Variants in MTUS1 observed in about 807,000 individuals in gnomAD.
The protein encoded by MTUS1 is microtubule-associated tumor suppressor 1.
MTUS1 carries 109 observed loss-of-function variants against 120.8 expected under a neutral mutation model. The ratio of observed to expected loss-of-function variants is 0.90; its 90% CI spans 0.77 to 1.06. The LOEUF is 1.06. MTUS1 is among the 50% of genes least tolerant of loss of function. The pLI, the probability that MTUS1 is intolerant of heterozygous loss-of-function variation, is 0.00. For synonymous variants in MTUS1, 737 were observed against 550.5 expected (o/e 1.34, Z -4.74); for missense variants, 2,210 against 1,486.3 (o/e 1.49, Z -8.01).
rs748945770 is a variant in MTUS1 at position 17,674,659 on chromosome 8, G to C, written c.2905+527C>G. 8 of 986,954 alleles carry C rather than the reference G, an allele frequency of 8.1e-6. No individual in the cohort carries two copies. In the South Asian group the frequency reaches 1.9e-4, roughly 23 times the overall value. The allele number at this position is 986,954 out of a possible 1,614,324, so 61.1% of individuals were successfully genotyped here. On this transcript the variant is annotated intron_variant, in intron 8 of 14. Coordinates refer to ENST00000693296, the MANE Select transcript of MTUS1 (RefSeq NM_001363059.2). ...TAGGTGTTGAGACGTGGGGCTCCCT[G>C]TGGAGCGGGGAGGTGGTGAACCATC... is the stretch of plus-strand genomic sequence containing the variant.
chr8:17,679,602 A>T (rs1813903055), intron 7 of MTUS1, among the ~76,000 whole-genome samples: 1 of 152,018 alleles, frequency 6.6e-6, no homozygotes, highest in Admixed American at 6.6e-5. Context: ...ATTGGGTTCA[A>T]GCGATTCGTA....
At chr8:17,734,911 CTTTT>C (rs113060045) in intron 3 of MTUS1, among the ~76,000 whole-genome samples, 1 of 148,596 alleles carries the variant, frequency 6.7e-6, no homozygotes, top group African/African-American at 2.5e-5. Context: ...TTCACACCAA[CTTTT>C]TTTTTTTTCT....
chr8:17,707,464 C>T (rs4921808), intron 6 of MTUS1, among the ~76,000 whole-genome samples: 69,115 of 151,752 alleles, frequency 0.46, 16,687 homozygotes, highest in African/African-American at 0.62. Flanking sequence ...CTTATGGTTT[C>T]GGGAAAATAC....
intron 6 of MTUS1, among the ~76,000 whole-genome samples, chr8:17,689,044 G>A (rs568435108): frequency 2.0e-5 from 3 of 151,958 alleles, no homozygotes; most frequent in African/African-American, 4.8e-5. Context: ...ACCCCATCTC[G>A]ACTAAAAATA....
intron 1 of MTUS1, among the ~76,000 whole-genome samples, chr8:17,766,586 T>TA (rs1390762388): frequency 6.6e-6 from 1 of 152,244 alleles, no homozygotes; most frequent in Non-Finnish European, 1.5e-5. Flanking sequence ...ACTCTGAACT[T>TA]ACCTAGTTGG....
At position 17,755,116 on chromosome 8, in the gene MTUS1, G is replaced by C; in HGVS notation, c.692C>G (p.Pro231Arg). The C allele has an allele frequency of 6.2e-7, 1 of 1,613,974 alleles. No homozygotes were observed. The highest frequency in any genetic ancestry group is 2.2e-5 in the East Asian group (1 of 44,878). Reference protein sequence around the residue: ...TTYDRESFENPQVTPSEAQDM... With the variant: ...TTYDRESFENRQVTPSEAQDM... ...TTGGGCTTCTGATGGTGTGACTTGA[G>C]GGTTTTCAAAGCTTTCTCTATCATA... Residue 231 changes from proline to arginine, a missense_variant, in exon 2 of 15, where the codon CCT becomes CGT. Coordinates refer to ENST00000693296, the MANE Select transcript of MTUS1 (RefSeq NM_001363059.2).
chr8:17,691,794 C>T (rs1232205334), intron 6 of MTUS1, among the ~76,000 whole-genome samples: 2 of 152,128 alleles, frequency 1.3e-5, no homozygotes, highest in Non-Finnish European at 1.5e-5. Context: ...AGTTTACTTA[C>T]TGTCACCTTA....
At chr8:17,717,693 CTAAAG>C (rs753310768) in intron 4 of MTUS1, among the ~76,000 whole-genome samples, 67 of 152,090 alleles carry the variant, frequency 4.4e-4, no homozygotes, top group Non-Finnish European at 7.5e-4. Flanking sequence ...AAGATTTTCA[CTAAAG>C]TAAAGGACAG....
intron 1 of MTUS1, among the ~76,000 whole-genome samples, chr8:17,794,939 A>G (rs1309614891): frequency 1.3e-5 from 2 of 152,232 alleles, no homozygotes; most frequent in African/African-American, 4.8e-5. Context: ...TCAACTTCGT[A>G]TCATTCATAG....
intron 3 of MTUS1, among the ~76,000 whole-genome samples, chr8:17,742,269 G>GTTTTTTTTTTTTTT (rs1210338239): frequency 1.2e-4 from 11 of 94,904 alleles, no homozygotes; most frequent in Non-Finnish European, 1.5e-4. Flanking sequence ...ATGCCCAGCT[G>GTTTTTTTTTTTTTT]TTTTTTTTTT....
At chr8:17,650,350 A>G (rs1806721394) in intron 12 of MTUS1, among the ~76,000 whole-genome samples, 1 of 152,228 alleles carries the variant, frequency 6.6e-6, no homozygotes, top group South Asian at 2.1e-4. Flanking sequence ...CAAACTGATC[A>G]GGAAAGAAAA....
chr8:17,729,627 C>T (rs1250333220), intron 3 of MTUS1, among the ~76,000 whole-genome samples: 1 of 152,162 alleles, frequency 6.6e-6, no homozygotes, highest in African/African-American at 2.4e-5. Context: ...CAAGTGTACA[C>T]ATGTGAATTC....
intron 1 of MTUS1, chr8:17,800,680 G>C (rs1005229133): frequency 3.3e-5 from 5 of 152,220 alleles, no homozygotes; most frequent in Non-Finnish European, 7.3e-5. Context: ...AGGGGTCTTT[G>C]GGACCTGCAG....
intron 6 of MTUS1, among the ~76,000 whole-genome samples, chr8:17,710,828 G>A (rs146528815): frequency 0.012 from 1,782 of 152,316 alleles, 12 homozygotes; most frequent in Non-Finnish European, 0.018. Context: ...TCCATGGGCT[G>A]CAAAGTGGCT....
chr8:17,697,388 C>G (rs374697872), intron 6 of MTUS1: 237 of 1,613,250 alleles, frequency 1.5e-4, no homozygotes, highest in Non-Finnish European at 2.0e-4. Flanking sequence ...GTCTTCGGAG[C>G]AGGTGGCGAG....
chr8:17,724,120 A>G, intron 3 of MTUS1: 1 of 529,010 alleles, frequency 1.9e-6, no homozygotes. Context: ...TCTGAAGGAG[A>G]TGATCAATCA....
At chr8:17,690,471 T>C (rs552800005) in intron 6 of MTUS1, among the ~76,000 whole-genome samples, 1 of 152,172 alleles carries the variant, frequency 6.6e-6, no homozygotes, top group African/African-American at 2.4e-5. Context: ...TGGAAAACAG[T>C]ATGGAGATTC....
In MTUS1 at chr8:17,646,103, C is replaced by G. The variant is rs61733704; in HGVS notation, c.3636G>C (p.Ser1212=). Residue 1212 remains serine, a synonymous_variant, in exon 15 of 15, where the codon TCG becomes TCC. Coordinates refer to ENST00000693296, the MANE Select transcript of MTUS1 (RefSeq NM_001363059.2). The part of the protein sequence containing the change: ...LSTEQAVLQE[S]LEKESKVNKR... Reference sequence around the variant, plus strand: ...TGTTGACTTTCGACTCCTTCTCCAGCGACTCTTGCAGAACAGCCTGCTCCG... The same window carrying G: ...TGTTGACTTTCGACTCCTTCTCCAGGGACTCTTGCAGAACAGCCTGCTCCG... The G allele has an allele frequency of 0.036, 57,479 of 1,612,684 alleles. 1,206 individuals carry two copies. The highest frequency in any genetic ancestry group is 0.041 in the Non-Finnish European group (48,372 of 1,179,644).
intron 1 of MTUS1, among the ~76,000 whole-genome samples, chr8:17,775,619 C>G (rs1586335333): frequency 6.6e-6 from 1 of 152,188 alleles, no homozygotes. Flanking sequence ...ATTAACTTAA[C>G]TATCATAAAA....
Sources: allele counts gnomAD v4.1 joint callset (sites outside exome capture counted in the v4.1 genomes callset), GRCh38; gene constraint gnomAD v4.1.1; transcripts MANE v1.5; gene names NCBI Gene and HGNC (gene_info 2026-07-23, HGNC 2026-07-21).